The following LDLRAP1 variants were observed in gnomAD, a reference collection of about 807,000 sequenced individuals.
LDLRAP1 encodes low density lipoprotein receptor adapter protein 1.
In LDLRAP1, 30 loss-of-function variants were observed where a neutral mutation model predicts 37.8. That is an observed-to-expected ratio of 0.79 (90% confidence interval 0.59 to 1.08). The LOEUF is 1.08. Among genes scored for constraint, LDLRAP1 ranks in the 50% least tolerant of loss-of-function variants. LDLRAP1 has a pLI of 0.00. For missense variants in LDLRAP1, 375 were observed against 401.6 expected (o/e 0.93, Z 0.57); for synonymous variants, 156 against 169.8 (o/e 0.92, Z 0.63).
chr1:25,576,618 C>G, the LDLRAP1 span, among the ~76,000 whole-genome samples: 7 of 152,234 alleles, frequency 4.6e-5, no homozygotes, highest in African/African-American at 1.7e-4. Context: ...TTTGGGTGCC[C>G]GGCCAGTGGT....
At chr1:25,549,901 C>T (rs1326050230) in intron 1 of LDLRAP1, 1 of 152,364 alleles carries the variant, frequency 6.6e-6, no homozygotes, top group Non-Finnish European at 1.5e-5. Context: ...GAAGCAGCTT[C>T]CTAGAGAGAA....
the LDLRAP1 span, among the ~76,000 whole-genome samples, chr1:25,576,124 C>T: frequency 6.6e-6 from 1 of 151,080 alleles, no homozygotes; most frequent in Admixed American, 6.6e-5. Flanking sequence ...CCCAGCTACT[C>T]GGGAGGCCGA....
rs2043897802 is a variant in LDLRAP1, at chr1:25,544,952, CCCT to C, written c.88+1174_88+1176del. On this transcript the variant is annotated intron_variant, in intron 1 of 8. Coordinates refer to ENST00000374338, the MANE Select transcript of LDLRAP1 (RefSeq NM_015627.3). This position sits in a 1 kb window ranked among gnomAD's most constrained non-coding sequence, Gnocchi z 4.8. ...GTGTCTGGGCCTAGAGGGCCCGCCT[CCCT>C]CCTCCTCTGGCCCCACTCTGTTGTT... Among the ~76,000 whole-genome samples, 1 of 152,216 alleles carries C rather than the reference CCCT, an allele frequency of 6.6e-6. No homozygotes were observed. Among genetic ancestry groups the C allele is most frequent in the East Asian group, 1.9e-4 (1 of 5,188 alleles).
chr1:25,577,993 G>A, the LDLRAP1 span, among the ~76,000 whole-genome samples: 1 of 152,224 alleles, frequency 6.6e-6, no homozygotes, highest in East Asian at 1.9e-4. Context: ...GGGGGCATCT[G>A]GGCTGGGGAC....
intron 7 of LDLRAP1, chr1:25,564,197 GGGCAA>G (rs1461788602): frequency 3.2e-6 from 1 of 316,512 alleles, no homozygotes; most frequent in Non-Finnish European, 6.2e-6. Context: ...CAGGGACTCA[GGGCAA>G]GCCCCCTGAC....
intron 8 of LDLRAP1, among the ~76,000 whole-genome samples, chr1:25,566,524 TCCCCACCCCAC>T (rs1427568953): frequency 6.6e-6 from 1 of 151,410 alleles, no homozygotes; most frequent in African/African-American, 2.4e-5. Flanking sequence ...CACAGCTTGT[TCCCCACCCCAC>T]CCCCACCCCC....
At chr1:25,574,469 T>C in the LDLRAP1 span, among the ~76,000 whole-genome samples, 1 of 152,180 alleles carries the variant, frequency 6.6e-6, no homozygotes, top group Admixed American at 6.5e-5. Context: ...GTCCTCCTGC[T>C]CTGTTGTCTG....
intron 8 of LDLRAP1, among the ~76,000 whole-genome samples, chr1:25,565,901 A>T (rs2124699076): frequency 6.6e-6 from 1 of 152,284 alleles, no homozygotes; most frequent in African/African-American, 2.4e-5. Flanking sequence ...GGTTGGAGTC[A>T]GCGATTTTTG....
chr1:25,548,854 C>A (rs2124647001), intron 1 of LDLRAP1, among the ~76,000 whole-genome samples: 1 of 152,198 alleles, frequency 6.6e-6, no homozygotes, highest in South Asian at 2.1e-4. Context: ...CGAGGTCTTA[C>A]CATGTTGTCC....
chr1:25,575,148 C>T, the LDLRAP1 span, among the ~76,000 whole-genome samples: 1 of 152,148 alleles, frequency 6.6e-6, no homozygotes, highest in Non-Finnish European at 1.5e-5. Flanking sequence ...CTCTCACTAC[C>T]CGGGTGGGAA....
At chr1:25,560,767 G>T (rs2044324505) in intron 4 of LDLRAP1, among the ~76,000 whole-genome samples, 1 of 152,256 alleles carries the variant, frequency 6.6e-6, no homozygotes, top group African/African-American at 2.4e-5. Context: ...ACTGGGCAAG[G>T]TAGCATCCAC....
At chr1:25,571,879 C>T (rs1285616995), downstream of LDLRAP1, among the ~76,000 whole-genome samples, 11 of 152,196 alleles carry the variant, frequency 7.2e-5, no homozygotes. Flanking sequence ...ACTGCACCTG[C>T]TGAGCCCCAG....
intron 7 of LDLRAP1, 56 bp downstream of exon 7, chr1:25,563,847 C>G (rs964687317): frequency 6.2e-7 from 1 of 1,608,368 alleles, no homozygotes; most frequent in South Asian, 1.1e-5. Context: ...TCTGGGTGAG[C>G]CTGGGGCTGC....
chr1:25,581,166 T>A, the LDLRAP1 span, among the ~76,000 whole-genome samples: 1 of 152,140 alleles, frequency 6.6e-6, no homozygotes, highest in Admixed American at 6.5e-5. Context: ...GGAACATGTG[T>A]TCTCTGCCGG....
At chr1:25,547,354 A>G (rs2043959478) in intron 1 of LDLRAP1, among the ~76,000 whole-genome samples, 1 of 152,034 alleles carries the variant, frequency 6.6e-6, no homozygotes, top group Non-Finnish European at 1.5e-5. Flanking sequence ...GGGGTGGTGC[A>G]GGCCTGTAAT....
chr1:25,551,082 C>A (rs34299041), intron 1 of LDLRAP1, among the ~76,000 whole-genome samples: 10,429 of 152,206 alleles, frequency 0.069, 480 homozygotes, highest in Non-Finnish European at 0.1. Flanking sequence ...AAACCTTGAT[C>A]AATTAGTATT....
At chr1:25,564,801 T>C (rs1164109262) in intron 7 of LDLRAP1, 3 of 207,416 alleles carry the variant, frequency 1.4e-5, no homozygotes, top group African/African-American at 6.9e-5. Flanking sequence ...CTTTTGGAAT[T>C]TGAAAGCCAT....
rs144066615 is a variant in LDLRAP1, at chr1:25,555,274, C to T, written c.344+302C>T. ...TCCCCCCTACTCCCCACCAGCATGC[C>T]GCTGAGTCGGGCTTGGAGCAGAGAA... On this transcript the variant is annotated intron_variant, in intron 3 of 8. Transcript: ENST00000374338. The surrounding 1 kb of genome is among the most constrained non-coding windows in gnomAD (Gnocchi z 4.7). Among the ~76,000 whole-genome samples the T allele has an allele frequency of 1.3e-3, 198 of 152,356 alleles. No homozygotes were observed. Among genetic ancestry groups the T allele is most frequent in the African/African-American group, 4.5e-3 (187 of 41,578 alleles).
Position 25,563,388 on chromosome 1 carries a change from G to A in LDLRAP1, c.616+235G>A, listed in dbSNP as rs975208486. Among the ~76,000 whole-genome samples the A allele has an allele frequency of 3.9e-5, 6 of 152,168 alleles. No individual in the cohort carries two copies. In the South Asian group the frequency reaches 1.2e-3, roughly 32 times the overall value. ...TCCCTATGCAAATATATAAATATGC[G>A]TCTATCTTTCTATATACTTAACATA... On this transcript the variant is annotated intron_variant, in intron 6 of 8. Transcript: ENST00000374338.
Sources: gnomAD v4.1 joint callset for allele counts (sites outside exome capture counted in the v4.1 genomes callset) on GRCh38, gnomAD v4.1.1 for gene constraint, Gnocchi (gnomAD v3.1) non-coding constraint, MANE v1.5 for transcripts, NCBI Gene and HGNC (gene_info 2026-07-23, HGNC 2026-07-21) for gene names.